Variants in SUPT6H observed in about 807,000 individuals in gnomAD.
SUPT6H encodes transcription elongation factor SPT6.
A neutral mutation model predicts 222.3 loss-of-function variants in SUPT6H; 11 were observed. The ratio of observed to expected loss-of-function variants is 0.05; its 90% CI spans 0.03 to 0.08. The LOEUF is 0.08. Among genes scored for constraint, SUPT6H ranks in the 10% least tolerant of loss-of-function variants. The pLI, the probability that SUPT6H is intolerant of heterozygous loss-of-function variation, is 1.00. For missense variants in SUPT6H, 1,422 were observed against 2,216.0 expected (o/e 0.64, Z 7.19); for synonymous variants, 762 against 801.2 (o/e 0.95, Z 0.83).
intron 9 of SUPT6H, 132 bp from the exon 10 acceptor site, chr17:28,678,413 C>T: frequency 1.0e-6 from 1 of 955,710 alleles, no homozygotes; most frequent in East Asian, 2.4e-5. Flanking sequence ...CCTGGAAGGG[C>T]TGTGAGGGAG....
intron 19 of SUPT6H, 59 bp from the exon 20 acceptor site, chr17:28,686,280 A>C: frequency 6.7e-7 from 1 of 1,491,022 alleles, no homozygotes; most frequent in Non-Finnish European, 9.3e-7. Context: ...AGGGAGACAG[A>C]ATTTCCTGAA....
chr17:28,678,740 T>G (rs2030909226), intron 10 of SUPT6H, 81 bp from the exon 11 acceptor site: 1 of 1,611,288 alleles, frequency 6.2e-7, no homozygotes, highest in South Asian at 1.1e-5. Flanking sequence ...CCTCCCCCAC[T>G]AGGTTTCTGG....
At chr17:28,679,349 G>A (rs2030949994) in intron 11 of SUPT6H, among the ~76,000 whole-genome samples, 1 of 152,114 alleles carries the variant, frequency 6.6e-6, no homozygotes, top group Non-Finnish European at 1.5e-5. Context: ...CTCCAGCCTG[G>A]GCAACAGAGC....
At chr17:28,674,745 A>G (rs2030636769) in intron 4 of SUPT6H, 132 bp downstream of exon 4, 68 of 920,632 alleles carry the variant, frequency 7.4e-5, no homozygotes, top group Non-Finnish European at 2.1e-5. Flanking sequence ...GTATCATTGT[A>G]CTACGGAGCC....
At chr17:28,663,552 C>T (rs2072105431) in intron 1 of SUPT6H, among the ~76,000 whole-genome samples, 1 of 152,072 alleles carries the variant, frequency 6.6e-6, no homozygotes, top group South Asian at 2.1e-4. Flanking sequence ...ATATTCTTGA[C>T]CTTAATAAAT....
In SUPT6H at chr17:28,700,951, C is replaced by T. The variant is rs768572181; in HGVS notation, c.4817C>T (p.Thr1606Met). 9 of 1,611,458 alleles carry T rather than the reference C, an allele frequency of 5.6e-6. No individual in the cohort carries two copies. The highest frequency in any genetic ancestry group is 2.2e-5 in the South Asian group (2 of 90,974). The change falls in exon 36 of 37, where the codon ACG becomes ATG. Residue 1606 changes from threonine (T) to methionine (M), a missense_variant. Transcript: ENST00000314616. ...GGSSAYHVFP[T>M]PAQQPVATPL... ...TTCATGCCTCTCCAGGTATTCCCAA[C>T]GCCAGCCCAGCAGCCAGTGGCCACA...
At chr17:28,669,691 T>C (rs1227779991) in intron 1 of SUPT6H, among the ~76,000 whole-genome samples, 3 of 152,184 alleles carry the variant, frequency 2.0e-5, no homozygotes, top group Non-Finnish European at 1.5e-5. Context: ...TCCCAGCACT[T>C]TGGGAGGCCA....
At position 28,683,648 on chromosome 17, in the gene SUPT6H, G is replaced by A; in HGVS notation, c.2061G>A (p.Glu687=). 1.2e-6 allele frequency: 2 copies of A among 1,614,078 alleles called. No individual in the cohort carries two copies. The highest frequency in any genetic ancestry group is 8.5e-7 in the Non-Finnish European group (1 of 1,180,002). Residue 687 remains glutamate (E), a synonymous_variant, in exon 17 of 37, where the codon GAG becomes GAA. Transcript: ENST00000314616. ...ATGGCAACGACCAGACATATTTTGA[G>A]GAGATAAAACAGTTTTACTACCGAG... The part of the protein sequence containing the change: ...EGYGNDQTYF[E]EIKQFYYRDE...
Position 28,681,863 on chromosome 17 carries a change from C to G in SUPT6H, c.1499-19C>G, listed in dbSNP as rs1471291603. 2 of 1,594,604 alleles carry G rather than the reference C, an allele frequency of 1.3e-6. No homozygotes were observed. Among genetic ancestry groups the G allele is most frequent in the Non-Finnish European group, 1.7e-6 (2 of 1,171,192 alleles). On this transcript the variant is annotated intron_variant, in intron 12 of 36. Coordinates refer to ENST00000314616, the MANE Select transcript of SUPT6H (RefSeq NM_003170.5). Reference sequence around the variant, plus strand: ...GATTGGAAACTAGAACCCTAAATCTCCCCATGTTTTCTTCCCAGGTGAAGG... The same window carrying G: ...GATTGGAAACTAGAACCCTAAATCTGCCCATGTTTTCTTCCCAGGTGAAGG...
intron 12 of SUPT6H, 40 bp from the exon 13 acceptor site, chr17:28,681,842 G>A (rs759862961): frequency 7.1e-6 from 11 of 1,554,354 alleles, no homozygotes; most frequent in South Asian, 4.7e-5. Flanking sequence ...GGGAGTGATT[G>A]GAAACTAGAA....
rs1365241095 is a variant in SUPT6H, at chr17:28,674,384, G to A, written c.211G>A (p.Glu71Lys). 3.1e-6 allele frequency: 5 copies of A among 1,613,990 alleles called. No individual in the cohort carries two copies. The highest frequency in any genetic ancestry group is 1.1e-5 in the South Asian group (1 of 91,056). The change falls in exon 3 of 37, where the codon GAG (glutamate) becomes AAG (lysine). Residue 71 changes from glutamate (E) to lysine (K), a missense_variant. Glu to Lys is a moderately conservative substitution (Grantham distance 56). Transcript: ENST00000314616. ...TGATGAAGATGAAGGGGAGGAGGAT[G>A]AGGGCAGTGACTCTGGTGATTCAGA... ...DDDEDEGEED[E>K]GSDSGDSEDD...
chr17:28,691,136 GA>G (rs758204043), intron 27 of SUPT6H, 73 bp downstream of exon 27: 9 of 1,531,304 alleles, frequency 5.9e-6, no homozygotes, highest in Non-Finnish European at 8.0e-6. Context: ...AAGGGAATCA[GA>G]AATGAGGGTG....
At chr17:28,667,762 A>G (rs187792107) in intron 1 of SUPT6H, among the ~76,000 whole-genome samples, 4 of 152,066 alleles carry the variant, frequency 2.6e-5, no homozygotes, top group Non-Finnish European at 4.4e-5. Flanking sequence ...ATAACTTAAC[A>G]TAACCCTATT....
At chr17:28,674,904 CTG>C (rs1422601595) in intron 4 of SUPT6H, 64 bp from the exon 5 acceptor site, 1 of 1,543,608 alleles carries the variant, frequency 6.5e-7, no homozygotes, top group African/African-American at 1.4e-5. Flanking sequence ...GGGAGTGAGA[CTG>C]GAGATTTGGT....
At chr17:28,692,255 C>T (rs1334396885) in intron 27 of SUPT6H, among the ~76,000 whole-genome samples, 4 of 146,950 alleles carry the variant, frequency 2.7e-5, no homozygotes, top group East Asian at 2.1e-4. Context: ...ACCCGGGAGG[C>T]GGAGCCTGCA....
intron 4 of SUPT6H, 92 bp from the exon 5 acceptor site, chr17:28,674,878 A>G (rs987664179): frequency 2.8e-6 from 4 of 1,426,636 alleles, no homozygotes; most frequent in Non-Finnish European, 3.8e-6. Flanking sequence ...GGTCAGAGTA[A>G]TTGTGGTGGG....
chr17:28,682,729 G>A lies in SUPT6H; in HGVS notation c.1600G>A (p.Gly534Ser). Residue 534 changes from glycine (G) to serine (S), a missense_variant and splice_region_variant, in exon 14 of 37, where the codon GGC (glycine) becomes AGC (serine). Gly to Ser is a moderately conservative substitution (Grantham distance 56, BLOSUM62 0). This residue lies in a region of SUPT6H where 389 missense variants were observed against 544.6 expected (regional missense o/e 0.71). Transcript: ENST00000314616. ...YTICQSAGLDGLAKKFGLTPE... is the reference protein window; with the variant it reads ...YTICQSAGLDSLAKKFGLTPE... ...CTTCACTCTTCTGTTTGCTTTAGATGGCCTGGCCAAAAAGTTTGGGCTTAC... is the reference window on the plus strand; with the variant it reads ...CTTCACTCTTCTGTTTGCTTTAGATAGCCTGGCCAAAAAGTTTGGGCTTAC... The A allele has an allele frequency of 3.1e-6, 5 of 1,614,148 alleles. No homozygotes were observed. The highest frequency in any genetic ancestry group is 4.2e-6 in the Non-Finnish European group (5 of 1,180,014).
chr17:28,681,547 C>G, intron 12 of SUPT6H, 143 bp downstream of exon 12: 1 of 1,088,036 alleles, frequency 9.2e-7, no homozygotes, highest in South Asian at 1.7e-5. Flanking sequence ...CATGGCAAAA[C>G]CCCATCTCTA....
intron 1 of SUPT6H, among the ~76,000 whole-genome samples, chr17:28,665,483 C>T (rs1053697507): frequency 2.0e-5 from 3 of 152,168 alleles, no homozygotes; most frequent in African/African-American, 4.8e-5. Flanking sequence ...TTATGCCAGG[C>T]ATGGTGGTTC....
Sources: gnomAD v4.1 joint callset for allele counts (sites outside exome capture counted in the v4.1 genomes callset) on GRCh38, gnomAD v4.1.1 for gene constraint, gnomAD v4.1.1 regional missense constraint, MANE v1.5 for transcripts, NCBI Gene and HGNC (gene_info 2026-07-23, HGNC 2026-07-21) for gene names.